The following DIDO1 variants were observed in gnomAD, a reference collection of about 807,000 sequenced individuals.
DIDO1 encodes the protein death-inducer obliterator 1.
A neutral mutation model predicts 99.4 loss-of-function variants in DIDO1; 16 were observed. The observed-to-expected ratio is 0.16, with a 90% CI of 0.11 to 0.24. The LOEUF (loss-of-function observed/expected upper bound fraction) is 0.24, where lower values mean the gene tolerates loss of function less well. DIDO1 is among the 10% of genes least tolerant of loss of function. The pLI, the probability that DIDO1 is intolerant of heterozygous loss-of-function variation, is 1.00. For missense variants in DIDO1, 2,996 were observed against 3,014.0 expected (o/e 0.99, Z 0.14); for synonymous variants, 1,366 against 1,239.1 (o/e 1.10, Z -2.15).
intron 1 of DIDO1, among the ~76,000 whole-genome samples, chr20:62,919,941 G>C (rs981655435): frequency 6.6e-6 from 1 of 152,242 alleles, no homozygotes; most frequent in East Asian, 1.9e-4. Context: ...GAGGTTTATT[G>C]TTCTCTATTT....
At chr20:62,929,694 T>TATATATATATATATATATATATAC (rs1568894301), upstream of DIDO1, among the ~76,000 whole-genome samples, 3 of 81,736 alleles carry the variant, frequency 3.7e-5, 1 homozygote, top group African/African-American at 2.8e-4. Flanking sequence ...AAAGAAAAAG[T>TATATATATATATATATATATATAC]GTATATATAT....
chr20:62,894,746 AC>A lies in DIDO1; in HGVS notation c.2436+63del, dbSNP rs757406705. On this transcript the variant is annotated intron_variant, in intron 10 of 15. Coordinates refer to ENST00000395343, the MANE Select transcript of DIDO1 (RefSeq NM_001193369.2). This position sits in a 1 kb window ranked among gnomAD's most constrained non-coding sequence, Gnocchi z 4.4. ...AGGTCCTGCCCAATAATTTAAGATA[AC>A]CTCAAAACATTTGGGATGGATTAGT... 4.4e-5 allele frequency: 67 copies of A among 1,531,828 alleles called. No homozygotes were observed. Among genetic ancestry groups the A allele is most frequent in the Non-Finnish European group, 5.5e-5 (62 of 1,126,914 alleles). 94.9% of individuals were successfully genotyped at this position (1,531,828 alleles called of 1,614,324 possible). A position where few individuals can be genotyped will look rare whatever the true frequency, so the allele number is the denominator to read the frequency against.
In DIDO1 at chr20:62,907,016, G is replaced by A. The variant is rs1029912030; in HGVS notation, c.1374+131C>T. On this transcript the variant is annotated intron_variant, in intron 5 of 15. Transcript: ENST00000395343. ...ACTGGTGGGAAGGTGGAAGACAAAG[G>A]TCAAGGCGACACCACGTGTGCGCCC... The A allele has an allele frequency of 1.1e-5, 10 of 896,284 alleles. No individual in the cohort carries two copies. In the African/African-American group the frequency reaches 1.7e-4, roughly 15 times the overall value. 55.5% of individuals were successfully genotyped at this position (896,284 alleles called of 1,614,324 possible).
intron 1 of DIDO1, among the ~76,000 whole-genome samples, chr20:62,918,949 C>A (rs957563071): frequency 6.6e-6 from 1 of 152,144 alleles, no homozygotes; most frequent in Non-Finnish European, 1.5e-5. Flanking sequence ...ATGCGACAGT[C>A]ACTAGGAGAA....
intron 3 of DIDO1, among the ~76,000 whole-genome samples, chr20:62,910,487 C>T (rs1016415985): frequency 2.6e-5 from 4 of 152,046 alleles, no homozygotes; most frequent in African/African-American, 9.7e-5. Flanking sequence ...CTCCTCCATG[C>T]CGTCTACACA....
chr20:62,905,481 G>A lies in DIDO1; in HGVS notation c.1588+406C>T. On this transcript the variant is annotated intron_variant, in intron 6 of 15. Coordinates refer to ENST00000395343, the MANE Select transcript of DIDO1 (RefSeq NM_001193369.2). The stretch of plus-strand genomic sequence containing the variant: ...TGGCCGTGGACAATGTGGAAAAACT[G>A]AAGCGTATACAGCGCTGTTGTCAGA... The A allele has an allele frequency of 7.8e-6, 12 of 1,546,106 alleles. No individual in the cohort carries two copies. The South Asian group carries it at 1.3e-4, about 17-fold the overall frequency.
rs764219383 is a variant in DIDO1, at chr20:62,897,329, A to C, written c.1589-333T>G. 2.6e-5 allele frequency among the ~76,000 whole-genome samples: 4 copies of C among 152,220 alleles called. No homozygotes were observed. In the South Asian group the frequency reaches 8.3e-4, roughly 31 times the overall value. ...AGCTGAAGGACAATTTCCTATCATC[A>C]CTTTTTAAAAGGCAGATTTACAGCA... On this transcript the variant is annotated intron_variant, in intron 6 of 15. Transcript: ENST00000395343.
chr20:62,915,415 G>T (rs1241220568), intron 1 of DIDO1, among the ~76,000 whole-genome samples: 1 of 151,902 alleles, frequency 6.6e-6, no homozygotes, highest in Non-Finnish European at 1.5e-5. Flanking sequence ...ATTACTTCAA[G>T]AATTCAGAAA....
chr20:62,892,687 G>C, intron 13 of DIDO1, 122 bp downstream of exon 13: 1 of 1,309,448 alleles, frequency 7.6e-7, no homozygotes, highest in Non-Finnish European at 1.0e-6. Context: ...GGTTGCAAGA[G>C]TGTCAGGCAT....
intron 6 of DIDO1, among the ~76,000 whole-genome samples, chr20:62,899,165 C>A (rs1019298789): frequency 6.6e-6 from 1 of 152,116 alleles, no homozygotes; most frequent in African/African-American, 2.4e-5. Flanking sequence ...AGACACCTGC[C>A]GGGAAGCCAA....
At chr20:62,883,694 G>A (rs7263386) in intron 15 of DIDO1, among the ~76,000 whole-genome samples, 29,468 of 152,134 alleles carry the variant, frequency 0.19, 3,037 homozygotes, top group East Asian at 0.27. Flanking sequence ...GTGTGGTGGC[G>A]CACACCTGTA....
chr20:62,902,447 G>A (rs1029689457), intron 6 of DIDO1, among the ~76,000 whole-genome samples: 3 of 152,114 alleles, frequency 2.0e-5, no homozygotes, highest in African/African-American at 7.2e-5. Flanking sequence ...TTTTATTGCC[G>A]CTGACAACTC....
chr20:62,879,388 C>CCCGGTCGCGCCT lies in DIDO1; in HGVS notation c.6556_6567dup (p.Arg2186_Arg2189dup). The CCCGGTCGCGCCT allele has an allele frequency of 6.5e-7, 1 of 1,544,316 alleles. No individual in the cohort carries two copies. Among genetic ancestry groups the CCCGGTCGCGCCT allele is most frequent in the Non-Finnish European group, 8.7e-7 (1 of 1,147,610 alleles). On this transcript the variant is annotated inframe_insertion, in exon 16 of 16. Transcript: ENST00000395343. This position sits in a 1 kb window ranked among gnomAD's most constrained non-coding sequence, Gnocchi z 6.3. ...TCCCGCTCTCTGCTCCGGGACCGGTCCCGGTCGCGCCTCCGGTCTCGCTCG... is the reference window on the plus strand; with the variant it reads ...TCCCGCTCTCTGCTCCGGGACCGGTCCCGGTCGCGCCTCCGGTCGCGCCTCCGGTCTCGCTCG...
Position 62,910,998 on chromosome 20 carries a change from G to A in DIDO1, c.615C>T (p.Ala205=), listed in dbSNP as rs1343070097. ...EGPAETVGSE[A]SDTVEGVLPS... is the part of the protein sequence containing the mutation. ...GCAGGACGCCCTCCACAGTGTCACT[G>A]GCCTCGGAGCCCACAGTCTCGGCGG... Residue 205 remains alanine, a synonymous_variant, in exon 3 of 16, where the codon GCC becomes GCT. Coordinates refer to ENST00000395343, the MANE Select transcript of DIDO1 (RefSeq NM_001193369.2). The A allele has an allele frequency of 6.2e-7, 1 of 1,614,038 alleles. No individual in the cohort carries two copies. Among genetic ancestry groups the A allele is most frequent in the African/African-American group, 1.3e-5 (1 of 75,022 alleles).
rs749750361 is a variant in DIDO1, at chr20:62,911,633, C to A, written c.-2-19G>T. The A allele has an allele frequency of 6.6e-7, 1 of 1,523,136 alleles. No individual in the cohort carries two copies. Among genetic ancestry groups the A allele is most frequent in the Non-Finnish European group, 8.8e-7 (1 of 1,133,644 alleles). The allele number at this position is 1,523,136 out of a possible 1,614,324, so 94.4% of individuals were successfully genotyped here. On this transcript the variant is annotated intron_variant, in intron 2 of 15. Coordinates refer to ENST00000395343, the MANE Select transcript of DIDO1 (RefSeq NM_001193369.2). This position sits in a 1 kb window ranked among gnomAD's most constrained non-coding sequence, Gnocchi z 7.0. ...TCCATACCTAGCGGTAAAGTGTAAG[C>A]ACATAGTGACCAACTGACCACAGAA...
In DIDO1 at chr20:62,891,504, C is replaced by A. The variant is rs543538245; in HGVS notation, c.3346-349G>T. Among the ~76,000 whole-genome samples, 3 of 152,296 alleles carry A rather than the reference C, an allele frequency of 2.0e-5. No individual in the cohort carries two copies. The South Asian group carries it at 6.2e-4, about 32-fold the overall frequency. On this transcript the variant is annotated intron_variant, in intron 14 of 15. Transcript: ENST00000395343. Reference sequence around the variant, plus strand: ...TACAGAGATTCCCCAGAGAAAACCACAGACAGACACGCACAGCTGTAGCTA... The same window carrying A: ...TACAGAGATTCCCCAGAGAAAACCAAAGACAGACACGCACAGCTGTAGCTA...
In DIDO1 at chr20:62,879,491, G is replaced by A. The variant is rs2064158947; in HGVS notation, c.6465C>T (p.Ala2155=). The A allele has an allele frequency of 1.9e-6, 3 of 1,592,290 alleles. No individual in the cohort carries two copies. Among genetic ancestry groups the A allele is most frequent in the Admixed American group, 1.7e-5 (1 of 59,050 alleles). Residue 2155 remains alanine, a synonymous_variant, in exon 16 of 16, where the codon GCC becomes GCT. Coordinates refer to ENST00000395343, the MANE Select transcript of DIDO1 (RefSeq NM_001193369.2). The surrounding 1 kb of genome is among the most constrained non-coding windows in gnomAD (Gnocchi z 6.3). ...CGGCCTCGCGCTCTCGGTCGCGGTTGGCGCTCCTCTCCCGGTTTCTGTCCC... is the reference window on the plus strand; with the variant it reads ...CGGCCTCGCGCTCTCGGTCGCGGTTAGCGCTCCTCTCCCGGTTTCTGTCCC... ...RDWDRNRERS[A]NRDREREADR...
At chr20:62,905,569 T>C (rs1025334565) in intron 6 of DIDO1, 20 of 1,550,918 alleles carry the variant, frequency 1.3e-5, no homozygotes, top group Admixed American at 2.0e-5. Flanking sequence ...GCAATCAGAC[T>C]GGGATGAAGA....
intron 6 of DIDO1, among the ~76,000 whole-genome samples, chr20:62,902,207 T>A (rs1199787272): frequency 6.6e-6 from 1 of 152,208 alleles, no homozygotes. Context: ...GTGTGAAACC[T>A]TTCCCTGATG....
Sources: allele counts gnomAD v4.1 joint callset (sites outside exome capture counted in the v4.1 genomes callset), GRCh38; gene constraint gnomAD v4.1.1; non-coding constraint Gnocchi (gnomAD v3.1); transcripts MANE v1.5; gene names NCBI Gene and HGNC (gene_info 2026-07-23, HGNC 2026-07-21).